Variants in CMTM7 observed in about 807,000 individuals in gnomAD.
CMTM7 encodes CKLF like MARVEL transmembrane domain containing 7, also known as CKLF-like MARVEL transmembrane domain-containing protein 7.
A neutral mutation model predicts 19.3 loss-of-function variants in CMTM7; 7 were observed. That is an observed-to-expected ratio of 0.36 (90% CI 0.21 to 0.68). The LOEUF (loss-of-function observed/expected upper bound fraction) is 0.68, where lower values mean the gene tolerates loss of function less well. CMTM7 is among the 30% of genes least tolerant of loss of function. The probability of loss-of-function intolerance (pLI) is 0.60; values close to 1 mark genes in which losing one functional copy is unlikely to be tolerated. For synonymous variants in CMTM7, 87 were observed against 99.3 expected, an observed-to-expected ratio of 0.88 and a Z score of 0.74; for missense variants, 193 against 232.6, an observed-to-expected ratio of 0.83 and a Z score of 1.11.
intron 1 of CMTM7, among the ~76,000 whole-genome samples, chr3:32,425,622 G>A (rs723897): frequency 0.058 from 8,876 of 152,132 alleles, 292 homozygotes; most frequent in Middle Eastern, 0.12. Flanking sequence ...TAACTTGTTC[G>A]GTTGGTGGGG....
At position 32,452,392 on chromosome 3, in the gene CMTM7, A is replaced by G; in HGVS notation, c.433A>G (p.Ile145Val). 6.2e-7 allele frequency: 1 copy of G among 1,614,082 alleles called. No individual in the cohort carries two copies. Among genetic ancestry groups the G allele is most frequent in the Non-Finnish European group, 8.5e-7 (1 of 1,179,998 alleles). Residue 145 changes from isoleucine to valine, a missense_variant and splice_region_variant, in exon 4 of 5, where the codon ATC (isoleucine) becomes GTC (valine). Physicochemically the swap from Ile to Val is conservative, Grantham distance 29. Coordinates refer to ENST00000334983, the MANE Select transcript of CMTM7 (RefSeq NM_138410.4). ...YNQSGLVAGAIFGFMATFLCM... is the reference protein window; with the variant it reads ...YNQSGLVAGAVFGFMATFLCM... ...TTCCTCTCCCCTCTCTCCACTGCAG[A>G]TCTTTGGTTTCATGGCCACCTTCCT... is the stretch of plus-strand genomic sequence containing the variant.
intron 1 of CMTM7, among the ~76,000 whole-genome samples, chr3:32,422,717 C>T (rs1211790460): frequency 6.6e-6 from 1 of 152,208 alleles, no homozygotes; most frequent in Non-Finnish European, 1.5e-5. Context: ...GAGGTTACTC[C>T]TGAGAAATCC....
intron 1 of CMTM7, among the ~76,000 whole-genome samples, chr3:32,428,738 C>T (rs532512827): frequency 6.6e-6 from 1 of 152,220 alleles, no homozygotes; most frequent in South Asian, 2.1e-4. Flanking sequence ...TTGATCCAAG[C>T]AGCTTGGTTG....
At chr3:32,450,723 C>T (rs1696817099) in intron 3 of CMTM7, among the ~76,000 whole-genome samples, 1 of 152,198 alleles carries the variant, frequency 6.6e-6, no homozygotes. Context: ...GTGCAGGGTA[C>T]TGGAAGAGGC....
chr3:32,413,590 A>AT (rs1273457286), intron 1 of CMTM7, among the ~76,000 whole-genome samples: 1 of 152,084 alleles, frequency 6.6e-6, no homozygotes, highest in South Asian at 2.1e-4. Context: ...ATAGTTTTAG[A>AT]TTTTTTTATT....
intron 1 of CMTM7, among the ~76,000 whole-genome samples, chr3:32,440,067 G>A (rs985130542): frequency 7.8e-6 from 1 of 127,508 alleles, no homozygotes; most frequent in East Asian, 2.5e-4. Context: ...AACACCACAC[G>A]CATACACACA....
intron 1 of CMTM7, among the ~76,000 whole-genome samples, chr3:32,432,020 C>T (rs17804246): frequency 0.047 from 7,220 of 152,254 alleles, 255 homozygotes; most frequent in Non-Finnish European, 0.067. Flanking sequence ...TTGTTTCAGC[C>T]CAAGCTCGCT....
At chr3:32,452,131 A>G (rs1430902543) in intron 3 of CMTM7, 7 of 1,472,290 alleles carry the variant, frequency 4.8e-6, no homozygotes, top group African/African-American at 4.2e-5. Flanking sequence ...CAGGCACTGA[A>G]GCTGCCAAGA....
At chr3:32,443,796 T>G (rs1425289139) in intron 2 of CMTM7, among the ~76,000 whole-genome samples, 1 of 152,254 alleles carries the variant, frequency 6.6e-6, no homozygotes, top group Non-Finnish European at 1.5e-5. Context: ...GTTTTGATTT[T>G]CATTTCTCCA....
chr3:32,449,233 C>T lies in CMTM7; in HGVS notation c.334-221C>T, dbSNP rs994459705. 6.6e-6 allele frequency among the ~76,000 whole-genome samples: 1 copy of T among 152,226 alleles called. No individual in the cohort carries two copies. Among genetic ancestry groups the T allele is most frequent in the African/African-American group, 2.4e-5 (1 of 41,470 alleles). ...TCCTTTCTCTCTGTCCTCTTCCCTT[C>T]CTGCCTGCCCGGCATCACTTCTGTC... On this transcript the variant is annotated intron_variant, in intron 2 of 4. Transcript: ENST00000334983. This position sits in a 1 kb window ranked among gnomAD's most constrained non-coding sequence, Gnocchi z 4.5.
intron 3 of CMTM7, 164 bp from the exon 4 acceptor site, chr3:32,452,228 C>G: frequency 6.6e-7 from 1 of 1,525,290 alleles, no homozygotes. Flanking sequence ...GGGGCTTCCT[C>G]TCTGCACCTG....
chr3:32,442,920 C>A (rs986221522), intron 2 of CMTM7, among the ~76,000 whole-genome samples: 3 of 152,276 alleles, frequency 2.0e-5, no homozygotes, highest in African/African-American at 7.2e-5. Flanking sequence ...TTAGCTGTCA[C>A]CTCCCTACCA....
intron 1 of CMTM7, among the ~76,000 whole-genome samples, chr3:32,413,580 A>G (rs1696212236): frequency 1.3e-5 from 2 of 152,236 alleles, no homozygotes; most frequent in South Asian, 4.1e-4. Context: ...AGTGTTTCTC[A>G]TAGTTTTAGA....
intron 1 of CMTM7, among the ~76,000 whole-genome samples, chr3:32,415,921 C>T (rs654855): frequency 0.42 from 63,836 of 152,046 alleles, 13,694 homozygotes; most frequent in South Asian, 0.47. Flanking sequence ...TGGTCTTTGT[C>T]CAAGGTTTCT....
At chr3:32,437,398 A>C (rs1441773413) in intron 1 of CMTM7, among the ~76,000 whole-genome samples, 1 of 152,098 alleles carries the variant, frequency 6.6e-6, no homozygotes, top group African/African-American at 2.4e-5. Context: ...GGAGTTCGAG[A>C]CCAGCCTGAC....
chr3:32,420,210 G>A (rs1696323919), intron 1 of CMTM7, among the ~76,000 whole-genome samples: 1 of 152,208 alleles, frequency 6.6e-6, no homozygotes, highest in African/African-American at 2.4e-5. Flanking sequence ...TTTCGTCCAT[G>A]TCTCTTTGTG....
At chr3:32,439,638 G>A (rs1003989867) in intron 1 of CMTM7, among the ~76,000 whole-genome samples, 1 of 152,162 alleles carries the variant, frequency 6.6e-6, no homozygotes, top group African/African-American at 2.4e-5. Flanking sequence ...ATTTTTTGTA[G>A]AGACAGGGTC....
chr3:32,395,019 G>A (rs567814294), intron 1 of CMTM7, among the ~76,000 whole-genome samples: 1 of 147,032 alleles, frequency 6.8e-6, no homozygotes, highest in East Asian at 2.0e-4. Flanking sequence ...TTTTTTGAGC[G>A]AGACAGAGAG....
chr3:32,413,345 A>G (rs950621290), intron 1 of CMTM7, among the ~76,000 whole-genome samples: 1 of 152,254 alleles, frequency 6.6e-6, no homozygotes, highest in Non-Finnish European at 1.5e-5. Flanking sequence ...TGTTGATTTC[A>G]AAATAACCTC....
Sources: gnomAD v4.1 joint callset for allele counts (sites outside exome capture counted in the v4.1 genomes callset) on GRCh38, gnomAD v4.1.1 for gene constraint, Gnocchi (gnomAD v3.1) non-coding constraint, MANE v1.5 for transcripts, NCBI Gene and HGNC (gene_info 2026-07-23, HGNC 2026-07-21) for gene names.